The following VPS53 variants were observed in gnomAD, a reference collection of about 807,000 sequenced individuals.
VPS53 encodes VPS53 subunit of GARP complex, also known as vacuolar protein sorting-associated protein 53 homolog.
In VPS53, 70 loss-of-function variants were observed where a neutral mutation model predicts 107.0. That is an observed-to-expected ratio of 0.65 (90% confidence interval 0.54 to 0.80). The LOEUF (loss-of-function observed/expected upper bound fraction) is 0.80, where lower values mean the gene tolerates loss of function less well. Among genes scored for constraint, VPS53 ranks in the 30% least tolerant of loss-of-function variants. The probability of loss-of-function intolerance (pLI) is 0.00; values close to 1 mark genes in which losing one functional copy is unlikely to be tolerated. For synonymous variants in VPS53, 409 were observed against 393.3 expected (o/e 1.04, Z -0.47); for missense variants, 917 against 1,049.4 (o/e 0.87, Z 1.74).
intron 19 of VPS53, among the ~76,000 whole-genome samples, chr17:525,724 G>A (rs1005951769): frequency 5.3e-5 from 8 of 151,612 alleles, no homozygotes; most frequent in Non-Finnish European, 7.4e-5. Context: ...TGGGCCAGGC[G>A]CGGTGTCTCA....
rs543436385 is a variant in VPS53, at chr17:542,611, CTG to C, written c.1867-5437_1867-5436del. The stretch of plus-strand genomic sequence containing the variant: ...ACTAAAAATCACTAAATTTCGATAA[CTG>C]ATAATTATCAATTAATTCAGATATG... On this transcript the variant is annotated intron_variant, in intron 17 of 21. Transcript: ENST00000437048. 3.2e-3 allele frequency among the ~76,000 whole-genome samples: 493 copies of C among 152,230 alleles called. 9 individuals are homozygous for C. The highest frequency in any genetic ancestry group is 1.6e-3 in the Non-Finnish European group (112 of 68,008).
At chr17:700,908 G>A (rs1411461945) in intron 2 of VPS53, among the ~76,000 whole-genome samples, 1 of 152,168 alleles carries the variant, frequency 6.6e-6, no homozygotes, top group Non-Finnish European at 1.5e-5. Flanking sequence ...AGCAGGTCTG[G>A]TAAGAGAAAC....
At chr17:632,769 C>T (rs1402670579) in intron 7 of VPS53, 1 of 456,216 alleles carries the variant, frequency 2.2e-6, no homozygotes, top group African/African-American at 2.0e-5. Context: ...AGGAATCTGT[C>T]TTCCCGTGTC....
intron 13 of VPS53, among the ~76,000 whole-genome samples, chr17:581,561 A>G (rs1465571940): frequency 6.6e-6 from 1 of 150,424 alleles, no homozygotes; most frequent in Non-Finnish European, 1.5e-5. Flanking sequence ...TTCCCAGAGA[A>G]CTTCCCTCAG....
chr17:593,267 A>T (rs1047139358), intron 12 of VPS53, among the ~76,000 whole-genome samples: 2 of 152,164 alleles, frequency 1.3e-5, no homozygotes, highest in Non-Finnish European at 2.9e-5. Flanking sequence ...TTCATGTCTA[A>T]AACACCAAAA....
chr17:569,173 AG>A (rs747617417), intron 13 of VPS53, among the ~76,000 whole-genome samples: 1 of 152,226 alleles, frequency 6.6e-6, no homozygotes, highest in Non-Finnish European at 1.5e-5. Flanking sequence ...GCATGTAAAA[AG>A]GATGAAGAGC....
intron 7 of VPS53, among the ~76,000 whole-genome samples, chr17:643,694 C>T (rs1597425928): frequency 6.6e-6 from 1 of 150,438 alleles, no homozygotes; most frequent in African/African-American, 2.5e-5. Flanking sequence ...AACACTCATA[C>T]TTGGAAAGTG....
chr17:572,418 G>GC, intron 13 of VPS53, among the ~76,000 whole-genome samples: 1 of 149,056 alleles, frequency 6.7e-6, no homozygotes, highest in African/African-American at 2.5e-5. Context: ...AGGTGGGGGG[G>GC]TCAGCCCCCC....
At chr17:640,194 C>T (rs1425207831) in intron 7 of VPS53, among the ~76,000 whole-genome samples, 4 of 152,168 alleles carry the variant, frequency 2.6e-5, no homozygotes, top group Non-Finnish European at 1.5e-5. Context: ...TGGGACCCGC[C>T]GAGCCAGGCA....
At chr17:571,563 T>C (rs1313998409) in intron 13 of VPS53, among the ~76,000 whole-genome samples, 3 of 114,072 alleles carry the variant, frequency 2.6e-5, no homozygotes, top group Non-Finnish European at 6.2e-5. Context: ...TCCCTCTCCC[T>C]CTCTTTCCAC....
chr17:637,824 G>A (rs1247801850), intron 7 of VPS53, among the ~76,000 whole-genome samples: 3 of 152,194 alleles, frequency 2.0e-5, no homozygotes, highest in African/African-American at 7.2e-5. Context: ...GCTGAGGAAT[G>A]CTTTACTTCC....
At position 519,782 on chromosome 17, in the gene VPS53, G is replaced by T; in HGVS notation, c.2328+44C>A. ...AATTCCCGGTTAAGAACCGCTGAGT[G>T]TGAGGGGGATGAGCAGGTGTGGACC... is the stretch of plus-strand genomic sequence containing the variant. On this transcript the variant is annotated intron_variant, in intron 21 of 21. Transcript: ENST00000437048. This position sits in a 1 kb window ranked among gnomAD's most constrained non-coding sequence, Gnocchi z 5.0. 1 of 1,381,572 alleles carries T rather than the reference G, an allele frequency of 7.2e-7. No homozygotes were observed. Among genetic ancestry groups the T allele is most frequent in the East Asian group, 2.5e-5 (1 of 40,100 alleles). The allele number at this position is 1,381,572 out of a possible 1,614,324, so 85.6% of individuals were successfully genotyped here.
chr17:529,664 T>C (rs1909382562), intron 19 of VPS53, among the ~76,000 whole-genome samples: 1 of 152,188 alleles, frequency 6.6e-6, no homozygotes, highest in South Asian at 2.1e-4. Flanking sequence ...TTCTGTGTCT[T>C]AATATTGTAC....
chr17:521,823 C>T lies in VPS53; in HGVS notation c.2086-85G>A, dbSNP rs545491239. On this transcript the variant is annotated intron_variant, in intron 19 of 21. Coordinates refer to ENST00000437048, the MANE Select transcript of VPS53 (RefSeq NM_001128159.3). The stretch of plus-strand genomic sequence containing the variant: ...TCATGCCGATGAGTCATGTTTTTCT[C>T]GTTATACACGTAACACATTCTTGTT... 179 of 1,326,280 alleles carry T rather than the reference C, an allele frequency of 1.3e-4. No individual in the cohort carries two copies. In the African/African-American group the frequency reaches 2.4e-3, roughly 18 times the overall value. The allele number at this position is 1,326,280 out of a possible 1,614,324, so 82.2% of individuals were successfully genotyped here.
chr17:639,912 T>C (rs555357803), intron 7 of VPS53, among the ~76,000 whole-genome samples: 1 of 152,336 alleles, frequency 6.6e-6, no homozygotes, highest in South Asian at 2.1e-4. Context: ...GGAGAACCAC[T>C]ACTCTCTTCA....
intron 4 of VPS53, among the ~76,000 whole-genome samples, chr17:684,533 C>T (rs533091368): frequency 8.5e-5 from 13 of 152,282 alleles, no homozygotes; most frequent in South Asian, 4.1e-4. Flanking sequence ...CTAAAACACA[C>T]TGTTGAGAGA....
rs530448262 is a variant in VPS53 at position 524,851 on chromosome 17, G to T, written c.2086-3113C>A. Among the ~76,000 whole-genome samples the T allele has an allele frequency of 3.3e-4, 51 of 152,332 alleles. No homozygotes were observed. Among genetic ancestry groups the T allele is most frequent in the African/African-American group, 1.2e-3 (49 of 41,586 alleles). On this transcript the variant is annotated intron_variant, in intron 19 of 21. Transcript: ENST00000437048. The surrounding 1 kb of genome is among the most constrained non-coding windows in gnomAD (Gnocchi z 4.5). ...CCACACTGAAATTCAGACTAGTGGT[G>T]ACAGTAGAAGTTAGTTCAAGCACGT...
In VPS53 at chr17:508,791, G is replaced by A. The variant is rs1489808116; in HGVS notation, c.*10337C>T. On this transcript the variant is annotated 3_prime_UTR_variant, in exon 22 of 22. Transcript: ENST00000437048. ...GATTAAATCAAGATTTCTCTATTCT[G>A]TGCAACCCAGAAGTAAACTGGGGTT... is the stretch of plus-strand genomic sequence containing the variant. The A allele has an allele frequency of 6.6e-6, 1 of 152,108 alleles. No homozygotes were observed. Among genetic ancestry groups the A allele is most frequent in the Non-Finnish European group, 1.5e-5 (1 of 68,028 alleles). The allele number at this position is 152,108 out of a possible 1,614,324, so 9.4% of individuals were successfully genotyped here.
intron 17 of VPS53, among the ~76,000 whole-genome samples, chr17:543,311 A>G (rs968691392): frequency 1.3e-5 from 2 of 152,234 alleles, no homozygotes; most frequent in African/African-American, 2.4e-5. Flanking sequence ...ACCTGTTTCA[A>G]AGTGTCTTTG....
Sources: gnomAD v4.1 joint callset for allele counts (sites outside exome capture counted in the v4.1 genomes callset) on GRCh38, gnomAD v4.1.1 for gene constraint, Gnocchi (gnomAD v3.1) non-coding constraint, MANE v1.5 for transcripts, NCBI Gene and HGNC (gene_info 2026-07-23, HGNC 2026-07-21) for gene names.